ISLR2: variants seen among roughly 807,000 people sequenced by gnomAD.
ISLR2 encodes the protein immunoglobulin superfamily containing leucine-rich repeat protein 2.
Under a neutral mutation model 25.5 loss-of-function variants are expected in ISLR2, and 16 were observed. The observed-to-expected ratio is 0.63, with a 90% CI of 0.43 to 0.95. ISLR2 has a LOEUF of 0.95. ISLR2 is among the 40% of genes least tolerant of loss of function. ISLR2 has a pLI of 0.00. For missense variants in ISLR2, 883 were observed against 1,030.7 expected, an observed-to-expected ratio of 0.86 and a Z score of 1.96; for synonymous variants, 508 against 486.6, an observed-to-expected ratio of 1.04 and a Z score of -0.58.
In ISLR2 at chr15:74,134,797, G is replaced by A. The variant is rs1286124134; in HGVS notation, c.2043G>A (p.Ala681=). The change falls in exon 3 of 3, where the codon GCG becomes GCA. Residue 681 remains alanine (A), a synonymous_variant. Transcript: ENST00000453268. The part of the protein sequence containing the change: ...DVQGEGLDED[A]EQGDPSGDLQ... ...AGGGGGAGGGCCTTGATGAAGACGC[G>A]GAGCAGGGAGACCCAAGTGGGGACC... is the stretch of plus-strand genomic sequence containing the variant. 6 of 1,614,058 alleles carry A rather than the reference G, an allele frequency of 3.7e-6. No homozygotes were observed. The highest frequency in any genetic ancestry group is 1.7e-5 in the Admixed American group (1 of 60,026).
chr15:74,104,577 G>C (rs1269402348), intron 2 of ISLR2, among the ~76,000 whole-genome samples: 1 of 152,118 alleles, frequency 6.6e-6, no homozygotes, highest in Non-Finnish European at 1.5e-5. Context: ...GAGGCCAGGA[G>C]TTCAAGACCA....
upstream of ISLR2, among the ~76,000 whole-genome samples, chr15:74,125,668 A>G (rs1282034903): frequency 6.6e-6 from 1 of 152,246 alleles, no homozygotes. Context: ...TTTGATGGCA[A>G]TAAAAGGCCT....
At position 74,132,582 on chromosome 15, in the gene ISLR2, G is replaced by T. The variant is rs1384497380; in HGVS notation, c.-8-165G>T. ...GGAGGGAGCATCCGTTGAACCTCGA[G>T]ATTTTTATTGACCTTCACTTCAGAG... On this transcript the variant is annotated intron_variant, in intron 2 of 2. Coordinates refer to ENST00000453268, the MANE Select transcript of ISLR2 (RefSeq NM_020851.3). The surrounding 1 kb of genome is among the most constrained non-coding windows in gnomAD (Gnocchi z 4.3). 6.6e-6 allele frequency among the ~76,000 whole-genome samples: 1 copy of T among 152,210 alleles called. No individual in the cohort carries two copies. Among genetic ancestry groups the T allele is most frequent in the Non-Finnish European group, 1.5e-5 (1 of 68,028 alleles).
At chr15:74,101,808 A>G (rs1375271626) in intron 1 of ISLR2, among the ~76,000 whole-genome samples, 3 of 15,508 alleles carry the variant, frequency 1.9e-4, no homozygotes, top group African/African-American at 6.2e-4. Context: ...TAAGAGGCTG[A>G]GATGGGAGGA....
At chr15:74,120,639 T>C (rs2072246159) in intron 2 of ISLR2, among the ~76,000 whole-genome samples, 1 of 150,686 alleles carries the variant, frequency 6.6e-6, no homozygotes, top group Non-Finnish European at 1.5e-5. Context: ...CAGGGAGCTG[T>C]GTGTGTGTGG....
At chr15:74,130,815 G>C (rs561101479) in intron 1 of ISLR2, among the ~76,000 whole-genome samples, 194 bp downstream of exon 1, 1 of 152,172 alleles carries the variant, frequency 6.6e-6, no homozygotes, top group African/African-American at 2.4e-5. Context: ...GTGCGCGAAT[G>C]TGTTTGAACG....
At chr15:74,130,737 GATT>G (rs1251286766) in intron 1 of ISLR2, 116 bp downstream of exon 1, 1 of 152,232 alleles carries the variant, frequency 6.6e-6, no homozygotes, top group Non-Finnish European at 1.5e-5. Context: ...ACATTGATGC[GATT>G]ATTACCTGAC....
Position 74,122,889 on chromosome 15 carries a change from C to T in ISLR2, n.229-8318C>T, listed in dbSNP as rs886215912. Among the ~76,000 whole-genome samples, 5 of 152,024 alleles carry T rather than the reference C, an allele frequency of 3.3e-5. No homozygotes were observed. In the East Asian group the frequency reaches 5.8e-4, roughly 18 times the overall value. On this transcript the variant is annotated intron_variant and non_coding_transcript_variant, in intron 2 of 3. Coordinates refer to the ISLR2 transcript ENST00000561975. Reference sequence around the variant, plus strand: ...AGGAGACTCTGGGCCAGCCCTCCTGCGGTCTGCAGGAGGCCACAGGAGGTG... The same window carrying T: ...AGGAGACTCTGGGCCAGCCCTCCTGTGGTCTGCAGGAGGCCACAGGAGGTG...
chr15:74,124,941 G>C (rs112271439), upstream of ISLR2, among the ~76,000 whole-genome samples: 32 of 152,256 alleles, frequency 2.1e-4, no homozygotes, highest in East Asian at 4.8e-3. Flanking sequence ...ATCAACAGCC[G>C]GGAAGCCAGC....
Position 74,134,430 on chromosome 15 carries a change from G to T in ISLR2, c.1676G>T (p.Arg559Leu). 1 of 1,611,206 alleles carries T rather than the reference G, an allele frequency of 6.2e-7. No homozygotes were observed. Among genetic ancestry groups the T allele is most frequent in the Non-Finnish European group, 8.5e-7 (1 of 1,179,468 alleles). The change falls in exon 3 of 3, where the codon CGG becomes CTG. Residue 559 changes from arginine (R) to leucine (L), a missense_variant. By Grantham distance (102) the Arg-to-Leu change is moderately radical. Coordinates refer to ENST00000453268, the MANE Select transcript of ISLR2 (RefSeq NM_020851.3). Reference protein sequence around the residue: ...GVNAYWFRGLRPGTNYSVCLA... With the variant: ...GVNAYWFRGLLPGTNYSVCLA... ...AACGCCTACTGGTTCCGCGGCCTGC[G>T]GCCGGGTACCAACTACTCCGTGTGC...
chr15:74,133,972 C>G lies in ISLR2; in HGVS notation c.1218C>G (p.Asn406Lys). The change falls in exon 3 of 3, where the codon AAC becomes AAG. Residue 406 changes from asparagine to lysine, a missense_variant. By Grantham distance (94) the Asn-to-Lys change is moderately conservative. Around this residue, in one of 2 missense-constraint regions of ISLR2, gnomAD observed 612 missense variants for 642.8 expected, o/e 0.95. Coordinates refer to ENST00000453268, the MANE Select transcript of ISLR2 (RefSeq NM_020851.3). ...ERKSTAKGRG[N>K]SVLPSKPEGK... ...AGTCCACAGCCAAGGGCCGGGGCAA[C>G]AGCGTCCTGCCTTCCAAACCCGAGG... The G allele has an allele frequency of 6.2e-7, 1 of 1,609,966 alleles. No homozygotes were observed. The highest frequency in any genetic ancestry group is 8.5e-7 in the Non-Finnish European group (1 of 1,178,220).
chr15:74,120,742 T>C (rs1019045420), intron 2 of ISLR2, among the ~76,000 whole-genome samples: 1 of 152,068 alleles, frequency 6.6e-6, no homozygotes, highest in Non-Finnish European at 1.5e-5. Flanking sequence ...TGATCTCATA[T>C]GCAAATGGGG....
At chr15:74,111,591 T>TATTCATTCATTC (rs71137377) in intron 2 of ISLR2, among the ~76,000 whole-genome samples, 11 of 150,826 alleles carry the variant, frequency 7.3e-5, no homozygotes, top group Non-Finnish European at 1.2e-4. Flanking sequence ...GCCAGGCCTC[T>TATTCATTCATTC]ATTCATTCAT....
intron 2 of ISLR2, among the ~76,000 whole-genome samples, chr15:74,119,272 GC>G (rs1275649203): frequency 6.6e-6 from 1 of 152,046 alleles, no homozygotes; most frequent in Non-Finnish European, 1.5e-5. Context: ...ATGCAATGGT[GC>G]AATCACAACT....
At chr15:74,108,432 G>A (rs369765171) in intron 2 of ISLR2, among the ~76,000 whole-genome samples, 4 of 152,174 alleles carry the variant, frequency 2.6e-5, no homozygotes, top group East Asian at 1.9e-4. Context: ...GGGGATTCCA[G>A]GGATGAGCCC....
At chr15:74,103,627 A>G (rs1168759106) in intron 1 of ISLR2, among the ~76,000 whole-genome samples, 1 of 127,924 alleles carries the variant, frequency 7.8e-6, no homozygotes, top group East Asian at 2.2e-4. Flanking sequence ...CCCAAAGAAA[A>G]AAAAGAAAGA....
downstream of ISLR2, among the ~76,000 whole-genome samples, chr15:74,138,729 C>A (rs2072594760): frequency 6.6e-6 from 1 of 152,072 alleles, no homozygotes; most frequent in Non-Finnish European, 1.5e-5. Context: ...ACAGCCTGAG[C>A]CCTGCTCCTG....
chr15:74,140,095 C>G (rs28478820), downstream of ISLR2, among the ~76,000 whole-genome samples: 1 of 152,102 alleles, frequency 6.6e-6, no homozygotes, highest in Non-Finnish European at 1.5e-5. Context: ...CCTCCTCCCC[C>G]TAAATGTTTC....
rs188145070 is a variant in ISLR2 at position 74,116,397 on chromosome 15, C to T, written n.228+12483C>T. Among the ~76,000 whole-genome samples, 606 of 145,178 alleles carry T rather than the reference C, an allele frequency of 4.2e-3. 2 individuals carry two copies. Among genetic ancestry groups the T allele is most frequent in the Middle Eastern group, 0.014 (4 of 288 alleles). ...TGGGCAACATAATGAGGCCTCATCT[C>T]TACAAAAAAAAAAAAAGGAATAAAA... On this transcript the variant is annotated intron_variant and non_coding_transcript_variant, in intron 2 of 3. Coordinates refer to the ISLR2 transcript ENST00000561975.
Sources: allele counts gnomAD v4.1 joint callset (sites outside exome capture counted in the v4.1 genomes callset), GRCh38; gene constraint gnomAD v4.1.1; regional missense constraint gnomAD v4.1.1; non-coding constraint Gnocchi (gnomAD v3.1); transcripts MANE v1.5; gene names NCBI Gene and HGNC (gene_info 2026-07-23, HGNC 2026-07-21).